The following TRAPPC8 variants were observed in gnomAD, a reference collection of about 807,000 sequenced individuals.
TRAPPC8 encodes general sporulation gene 1 homolog.
In TRAPPC8, 54 loss-of-function variants were observed where a neutral mutation model predicts 174.3. The ratio of observed to expected loss-of-function variants is 0.31; its 90% CI spans 0.25 to 0.39. TRAPPC8 has a LOEUF of 0.39. Ranked by LOEUF, TRAPPC8 falls within the 10% of genes least tolerant of loss-of-function variation. The pLI is 1.00. For missense variants in TRAPPC8, 1,531 were observed against 1,699.1 expected, an observed-to-expected ratio of 0.90 and a Z score of 1.74; for synonymous variants, 630 against 579.9, an observed-to-expected ratio of 1.09 and a Z score of -1.24.
rs2033851877 is a variant in TRAPPC8 at position 31,853,908 on chromosome 18, A to G, written c.3374T>C (p.Val1125Ala). 4.3e-6 allele frequency: 7 copies of G among 1,611,634 alleles called. No individual in the cohort carries two copies. In the East Asian group the frequency reaches 1.6e-4, roughly 36 times the overall value. Residue 1125 changes from valine (V) to alanine (A), a missense_variant, in exon 22 of 29, where the codon GTA (valine) becomes GCA (alanine). Val to Ala is a moderately conservative substitution (Grantham distance 64). Transcript: ENST00000283351. Reference sequence around the variant, plus strand: ...CTTCCAGTGTTTGCTACTACTTGATACTTGCACTATGTGGAATTCCTTAAC... The same window carrying G: ...CTTCCAGTGTTTGCTACTACTTGATGCTTGCACTATGTGGAATTCCTTAAC... Reference protein sequence around the residue: ...AGVKEFHIVQVSSSSKHWKLQ... With the variant: ...AGVKEFHIVQASSSSKHWKLQ...
Position 31,943,125 on chromosome 18 carries a change from A to G in TRAPPC8, c.-361T>C. 2.5e-6 allele frequency: 1 copy of G among 399,442 alleles called. No homozygotes were observed. 24.7% of individuals were successfully genotyped at this position (399,442 alleles called of 1,614,324 possible). A position where few individuals can be genotyped will look rare whatever the true frequency, so the allele number is the denominator to read the frequency against. On this transcript the variant is annotated 5_prime_UTR_variant, in exon 1 of 29. Transcript: ENST00000283351. ...CGAACCCTGACCAACCGGCAGTACTACTCCCAGCTGCCCCCGCGCGCGTCC... is the reference window on the plus strand; with the variant it reads ...CGAACCCTGACCAACCGGCAGTACTGCTCCCAGCTGCCCCCGCGCGCGTCC...
chr18:31,878,557 G>A lies in TRAPPC8; in HGVS notation c.1729-3853C>T, dbSNP rs78107223. Among the ~76,000 whole-genome samples, 205 of 152,202 alleles carry A rather than the reference G, an allele frequency of 1.3e-3. 1 individual carries two copies. Among genetic ancestry groups the A allele is most frequent in the African/African-American group, 4.7e-3 (195 of 41,526 alleles). On this transcript the variant is annotated intron_variant, in intron 12 of 28. Transcript: ENST00000283351. The stretch of plus-strand genomic sequence containing the variant: ...ATACCTGCTAACCATAAAGATACAC[G>A]TAAGTACAAAGTTCAAAGATCCTAT...
intron 10 of TRAPPC8, among the ~76,000 whole-genome samples, chr18:31,900,043 G>A (rs2036349890): frequency 6.6e-6 from 1 of 151,892 alleles, no homozygotes. Flanking sequence ...TTCGAGACCA[G>A]CCTGGCAAAC....
At chr18:31,872,369 T>C (rs570946904) in intron 14 of TRAPPC8, among the ~76,000 whole-genome samples, 140 of 152,226 alleles carry the variant, frequency 9.2e-4, no homozygotes, top group Admixed American at 1.9e-3. Flanking sequence ...TCTTTACTTC[T>C]ATGTACATTT....
At chr18:31,897,939 C>G in intron 10 of TRAPPC8, 48 bp from the exon 11 acceptor site, 2 of 1,499,760 alleles carry the variant, frequency 1.3e-6, no homozygotes, top group Non-Finnish European at 1.8e-6. Flanking sequence ...AATACCTTAG[C>G]ACATCAAAGT....
Position 31,829,268 on chromosome 18 carries a change from G to A in TRAPPC8, c.*1487C>T, listed in dbSNP as rs573255429. 2 of 152,030 alleles carry A rather than the reference G, an allele frequency of 1.3e-5. No homozygotes were observed. Among genetic ancestry groups the A allele is most frequent in the Non-Finnish European group, 2.9e-5 (2 of 68,022 alleles). 9.4% of individuals were successfully genotyped at this position (152,030 alleles called of 1,614,324 possible). On this transcript the variant is annotated 3_prime_UTR_variant, in exon 29 of 29. Transcript: ENST00000283351. Reference sequence around the variant, plus strand: ...TTTATATAGTTTAATTTTTTTATTAGTGTCTGTTTAACAATCGGTTCAATT... The same window carrying A: ...TTTATATAGTTTAATTTTTTTATTAATGTCTGTTTAACAATCGGTTCAATT...
intron 24 of TRAPPC8, 68 bp from the exon 25 acceptor site, chr18:31,849,807 A>G (rs988631712): frequency 7.1e-7 from 1 of 1,417,748 alleles, no homozygotes; most frequent in Non-Finnish European, 9.3e-7. Flanking sequence ...ATTTTGTATA[A>G]CTCAGTTTTA....
intron 1 of TRAPPC8, among the ~76,000 whole-genome samples, chr18:31,941,362 G>A (rs1227722842): frequency 6.6e-6 from 1 of 152,202 alleles, no homozygotes; most frequent in African/African-American, 2.4e-5. Context: ...AGAATCGCTT[G>A]AACCTGGGAG....
chr18:31,900,031 C>G (rs1287036194), intron 10 of TRAPPC8, among the ~76,000 whole-genome samples: 1 of 151,116 alleles, frequency 6.6e-6, no homozygotes, highest in African/African-American at 2.4e-5. Context: ...TGAGGTCAAG[C>G]ATTCGAGACC....
At chr18:31,909,881 G>A (rs1222980184) in intron 5 of TRAPPC8, 121 bp from the exon 6 acceptor site, 29 of 598,114 alleles carry the variant, frequency 4.8e-5, no homozygotes, top group Non-Finnish European at 7.3e-5. Context: ...TTGCTACAGT[G>A]AGCATTTTCT....
intron 9 of TRAPPC8, among the ~76,000 whole-genome samples, chr18:31,904,973 T>C (rs1251227026): frequency 6.6e-6 from 1 of 150,478 alleles, no homozygotes; most frequent in East Asian, 2.0e-4. Context: ...GAGGATGCAG[T>C]GAGCTGAGAT....
intron 19 of TRAPPC8, 52 bp downstream of exon 19, chr18:31,864,575 T>C: frequency 6.4e-7 from 1 of 1,552,416 alleles, no homozygotes; most frequent in Non-Finnish European, 8.8e-7. Flanking sequence ...TTACTCAGAA[T>C]ATTTGCTCAT....
intron 24 of TRAPPC8, 44 bp from the exon 25 acceptor site, chr18:31,849,783 T>C (rs1463466724): frequency 2.6e-6 from 4 of 1,510,234 alleles, no homozygotes; most frequent in East Asian, 4.7e-5. Context: ...CTTTTAATTA[T>C]GTTGTCAAAA....
At chr18:31,904,819 C>T (rs1333120642) in intron 9 of TRAPPC8, among the ~76,000 whole-genome samples, 4 of 152,152 alleles carry the variant, frequency 2.6e-5, no homozygotes, top group African/African-American at 9.7e-5. Context: ...CCCTTGAGGT[C>T]AGGAGCTCGA....
At chr18:31,869,342 T>C (rs1313642922) in intron 16 of TRAPPC8, among the ~76,000 whole-genome samples, 3 of 152,206 alleles carry the variant, frequency 2.0e-5, no homozygotes, top group Admixed American at 6.5e-5. Context: ...ATAAAACAGT[T>C]AAGATGGCAT....
rs745390603 is a variant in TRAPPC8, at chr18:31,830,827, C to T, written c.4236G>A (p.Ser1412=). ...LGTPRVFAKL[S]DQVTVFETSQ... is the part of the protein sequence containing the mutation. ...TTGTTTCAAACACTGTAACTTGGTC[C>T]GATAACTTGGCAAATACCCTAGGAG... The change falls in exon 29 of 29, where the codon TCG becomes TCA. Residue 1412 remains serine, a synonymous_variant. Transcript: ENST00000283351. 1.9e-5 allele frequency: 31 copies of T among 1,613,966 alleles called. No individual in the cohort carries two copies. Among genetic ancestry groups the T allele is most frequent in the East Asian group, 6.7e-5 (3 of 44,874 alleles).
Position 31,940,716 on chromosome 18 carries a change from C to T in TRAPPC8, c.157+1892G>A, listed in dbSNP as rs563298617. Among the ~76,000 whole-genome samples the T allele has an allele frequency of 1.1e-4, 17 of 152,096 alleles. No homozygotes were observed. In the South Asian group the frequency reaches 3.1e-3, roughly 28 times the overall value. Reference sequence around the variant, plus strand: ...GTTTCACCATGTTGGCCAGGATGGTCTCGAACTCCTGACCTCGTGATCCAC... The same window carrying T: ...GTTTCACCATGTTGGCCAGGATGGTTTCGAACTCCTGACCTCGTGATCCAC... On this transcript the variant is annotated intron_variant, in intron 1 of 28. Coordinates refer to ENST00000283351, the MANE Select transcript of TRAPPC8 (RefSeq NM_014939.5).
intron 4 of TRAPPC8, among the ~76,000 whole-genome samples, chr18:31,914,164 A>G (rs1404885027): frequency 7.4e-6 from 1 of 135,760 alleles, no homozygotes; most frequent in Admixed American, 7.2e-5. Flanking sequence ...GAAAAACAAG[A>G]AAAAAAAAAA....
Position 31,866,841 on chromosome 18 carries a change from G to A in TRAPPC8, c.2590+8C>T, listed in dbSNP as rs748125376. The A allele has an allele frequency of 6.2e-7, 1 of 1,612,156 alleles. No homozygotes were observed. Among genetic ancestry groups the A allele is most frequent in the Non-Finnish European group, 8.5e-7 (1 of 1,178,986 alleles). ...TTTCTAATTGTTTACCAATGCTATA[G>A]CCTTTACCTGTGTGACATCCGGGAA... On this transcript the variant is annotated splice_region_variant and intron_variant, in intron 18 of 28. Transcript: ENST00000283351.
Sources: gnomAD v4.1 joint callset for allele counts (sites outside exome capture counted in the v4.1 genomes callset) on GRCh38, gnomAD v4.1.1 for gene constraint, MANE v1.5 for transcripts, NCBI Gene and HGNC (gene_info 2026-07-23, HGNC 2026-07-21) for gene names.